The following KIAA1328 variants were observed in gnomAD, a reference collection of about 807,000 sequenced individuals.
KIAA1328 encodes KIAA1328, also known as protein hinderin.
Under a neutral mutation model 68.1 loss-of-function variants are expected in KIAA1328, and 52 were observed. The observed-to-expected ratio is 0.76, with a 90% confidence interval of 0.61 to 0.96. KIAA1328 has a LOEUF of 0.96. KIAA1328 is among the 40% of genes least tolerant of loss of function. The probability of loss-of-function intolerance (pLI) is 0.00; values close to 1 mark genes in which losing one functional copy is unlikely to be tolerated. For missense variants in KIAA1328, 641 were observed against 677.6 expected, an observed-to-expected ratio of 0.95 and a Z score of 0.60; for synonymous variants, 232 against 239.4, an observed-to-expected ratio of 0.97 and a Z score of 0.28.
chr18:36,915,887 A>G (rs1466049710), intron 5 of KIAA1328, among the ~76,000 whole-genome samples: 2 of 152,230 alleles, frequency 1.3e-5, no homozygotes, highest in East Asian at 1.9e-4. Context: ...AAACATGTAT[A>G]TAGCAGCACT....
chr18:37,094,932 T>C (rs1287083108), intron 7 of KIAA1328, among the ~76,000 whole-genome samples: 3 of 149,022 alleles, frequency 2.0e-5, no homozygotes, highest in South Asian at 4.2e-4. Context: ...ATAGTTATAT[T>C]GGACAAAATA....
At chr18:37,048,148 A>G (rs779108031) in intron 6 of KIAA1328, among the ~76,000 whole-genome samples, 1 of 152,244 alleles carries the variant, frequency 6.6e-6, no homozygotes, top group Non-Finnish European at 1.5e-5. Context: ...CACTCAAATA[A>G]GCGAACAGAA....
chr18:37,229,265 C>G (rs1195097324), downstream of KIAA1328, among the ~76,000 whole-genome samples: 1 of 152,172 alleles, frequency 6.6e-6, no homozygotes. Flanking sequence ...GTGTGCCACA[C>G]CCTTGGCTGG....
intron 7 of KIAA1328, among the ~76,000 whole-genome samples, chr18:37,086,016 G>A (rs1407432312): frequency 1.3e-5 from 2 of 152,166 alleles, no homozygotes; most frequent in Non-Finnish European, 1.5e-5. Context: ...AGCACAGAAA[G>A]ACAAATACAG....
chr18:36,854,575 C>T (rs1243255092), intron 4 of KIAA1328, among the ~76,000 whole-genome samples: 1 of 151,982 alleles, frequency 6.6e-6, no homozygotes, highest in Non-Finnish European at 1.5e-5. Context: ...TGTTGTAGGA[C>T]GGGTCTACTA....
intron 3 of KIAA1328, among the ~76,000 whole-genome samples, chr18:36,843,054 A>G (rs2046910689): frequency 1.3e-5 from 2 of 152,126 alleles, no homozygotes; most frequent in African/African-American, 4.8e-5. Context: ...ATTATTAAAG[A>G]AAAATTTAAA....
chr18:37,166,917 G>C (rs2059400536), intron 8 of KIAA1328, among the ~76,000 whole-genome samples: 1 of 152,136 alleles, frequency 6.6e-6, no homozygotes, highest in Non-Finnish European at 1.5e-5. Context: ...TAAAAAGATT[G>C]AATCAGTAAT....
At chr18:37,031,456 A>C (rs2054824463) in intron 6 of KIAA1328, among the ~76,000 whole-genome samples, 1 of 152,188 alleles carries the variant, frequency 6.6e-6, no homozygotes. Flanking sequence ...TTTGAAATAT[A>C]CCTAATATGT....
At chr18:36,951,109 G>C (rs2051143191) in intron 5 of KIAA1328, among the ~76,000 whole-genome samples, 1 of 151,846 alleles carries the variant, frequency 6.6e-6, no homozygotes, top group Non-Finnish European at 1.5e-5. Flanking sequence ...TGTTACATTG[G>C]CCTCCTTCTC....
chr18:36,907,744 A>G (rs1288248164), intron 5 of KIAA1328, among the ~76,000 whole-genome samples: 1 of 152,120 alleles, frequency 6.6e-6, no homozygotes, highest in East Asian at 1.9e-4. Context: ...TTGTAGCATC[A>G]TAGTGCTGGC....
chr18:36,880,671 A>T (rs1299653177), intron 4 of KIAA1328, among the ~76,000 whole-genome samples: 2 of 148,210 alleles, frequency 1.3e-5, no homozygotes, highest in African/African-American at 2.5e-5. Flanking sequence ...GGAGGGACAA[A>T]TTTTTTTTTT....
intron 7 of KIAA1328, among the ~76,000 whole-genome samples, chr18:37,101,945 C>G (rs957251982): frequency 4.6e-5 from 7 of 152,094 alleles, no homozygotes; most frequent in East Asian, 1.9e-4. Flanking sequence ...GAAAAAACAC[C>G]AATTCTTTAA....
intron 7 of KIAA1328, among the ~76,000 whole-genome samples, chr18:37,145,484 A>C (rs1294917345): frequency 6.6e-6 from 1 of 152,202 alleles, no homozygotes; most frequent in Non-Finnish European, 1.5e-5. Context: ...AGTATTGTTC[A>C]CTTCTTCTTT....
chr18:36,852,091 G>T (rs1210944643), intron 4 of KIAA1328, among the ~76,000 whole-genome samples: 5 of 151,976 alleles, frequency 3.3e-5, no homozygotes, highest in African/African-American at 9.6e-5. Flanking sequence ...CATTTTTTTG[G>T]TTTTTCTTTT....
intron 6 of KIAA1328, among the ~76,000 whole-genome samples, chr18:37,003,726 T>C (rs376589627): frequency 6.6e-6 from 1 of 152,130 alleles, no homozygotes; most frequent in African/African-American, 2.4e-5. Flanking sequence ...TCAGATCTTA[T>C]ATTTAAGTCC....
intron 9 of KIAA1328, among the ~76,000 whole-genome samples, chr18:37,203,209 A>G (rs1425364262): frequency 3.3e-5 from 5 of 152,154 alleles, no homozygotes; most frequent in African/African-American, 9.6e-5. Context: ...ACAAAACCTT[A>G]TAAACAGATC....
chr18:37,224,656 A>G lies in KIAA1328; in HGVS notation c.*2429A>G. On this transcript the variant is annotated 3_prime_UTR_variant, in exon 10 of 10. Transcript: ENST00000280020. Reference sequence around the variant, plus strand: ...TGTTACAGAGCCTCAAAGCTGTTGCAGACTATCCCAAGAGAAAGGATCTGG... The same window carrying G: ...TGTTACAGAGCCTCAAAGCTGTTGCGGACTATCCCAAGAGAAAGGATCTGG... The G allele has an allele frequency of 1.0e-6, 1 of 985,464 alleles. No homozygotes were observed. 61.0% of individuals were successfully genotyped at this position (985,464 alleles called of 1,614,324 possible). A position where few individuals can be genotyped will look rare whatever the true frequency, so the allele number is the denominator to read the frequency against.
intron 6 of KIAA1328, among the ~76,000 whole-genome samples, chr18:36,965,081 G>C (rs532602144): frequency 3.0e-4 from 45 of 152,220 alleles, no homozygotes; most frequent in African/African-American, 9.4e-4. Flanking sequence ...ATGTTGGTAG[G>C]TCAGCCTATT....
intron 5 of KIAA1328, among the ~76,000 whole-genome samples, chr18:36,917,817 T>C (rs2049765377): frequency 6.6e-6 from 1 of 152,188 alleles, no homozygotes; most frequent in African/African-American, 2.4e-5. Flanking sequence ...TTATCTGAGA[T>C]TTAGCCTTTC....
Sources: allele counts gnomAD v4.1 joint callset (sites outside exome capture counted in the v4.1 genomes callset), GRCh38; gene constraint gnomAD v4.1.1; transcripts MANE v1.5; gene names NCBI Gene and HGNC (gene_info 2026-07-23, HGNC 2026-07-21).